Variants in SH3KBP1 observed in about 807,000 individuals in gnomAD.
SH3KBP1 encodes SH3 domain containing kinase binding protein 1, also known as SH3 domain-containing kinase-binding protein 1.
Under a neutral mutation model 50.1 loss-of-function variants are expected in SH3KBP1, and 8 were observed. That is an observed-to-expected ratio of 0.16 (90% CI 0.09 to 0.29). The LOEUF is 0.29. SH3KBP1 is among the 10% of genes least tolerant of loss of function. The pLI, the probability that SH3KBP1 is intolerant of heterozygous loss-of-function variation, is 1.00. For synonymous variants in SH3KBP1, 227 were observed against 218.6 expected (o/e 1.04, Z -0.34); for missense variants, 377 against 535.2 (o/e 0.70, Z 2.92).
chrX:19,581,580 C>T (rs1386584319), intron 12 of SH3KBP1, among the ~76,000 whole-genome samples: 5 of 111,279 alleles, frequency 4.5e-5, no homozygotes, highest in East Asian at 2.8e-4. Context: ...GGACACCTCA[C>T]GGAGTGATCA....
chrX:19,853,939 G>C (rs1206295064), intron 1 of SH3KBP1, among the ~76,000 whole-genome samples: 1 of 105,950 alleles, frequency 9.4e-6, no homozygotes, highest in Non-Finnish European at 1.9e-5. Flanking sequence ...TCCAGCCTGG[G>C]CAAGAGAGAA....
chrX:19,638,471 T>C (rs768459540), intron 7 of SH3KBP1, among the ~76,000 whole-genome samples: 4 of 109,354 alleles, frequency 3.7e-5, no homozygotes, highest in Non-Finnish European at 3.8e-5. Flanking sequence ...GAGTGGGCAT[T>C]GGCATCAGGT....
intron 6 of SH3KBP1, among the ~76,000 whole-genome samples, chrX:19,672,493 A>G (rs2062822852): frequency 8.9e-6 from 1 of 112,242 alleles, no homozygotes; most frequent in South Asian, 3.7e-4. Context: ...AATATGATGT[A>G]ATGAGAGCAC....
intron 12 of SH3KBP1, 105 bp downstream of exon 12, chrX:19,588,538 C>G (rs764758714): frequency 6.6e-6 from 8 of 1,208,405 alleles, no homozygotes; most frequent in Admixed American, 2.2e-5. Context: ...TTGAGCACCC[C>G]CTTCTCCTCT....
chrX:19,617,778 A>G (rs916768405), intron 8 of SH3KBP1, among the ~76,000 whole-genome samples: 1 of 112,184 alleles, frequency 8.9e-6, no homozygotes, highest in African/African-American at 3.2e-5. Context: ...GATTCCGGCC[A>G]GCTAAGGCCC....
intron 6 of SH3KBP1, among the ~76,000 whole-genome samples, chrX:19,678,752 C>A (rs2062984770): frequency 9.0e-6 from 1 of 111,489 alleles, no homozygotes; most frequent in East Asian, 2.8e-4. Context: ...TGTTACCTCT[C>A]TTCTGAATTT....
chrX:19,859,886 C>G lies in SH3KBP1; in HGVS notation c.5-23604G>C, dbSNP rs891247843. On this transcript the variant is annotated intron_variant, in intron 1 of 17. Transcript: ENST00000397821. ...CCCTTGCTTCTGTGAAAGCCTCAGT[C>G]AGGGATGGGAAACACAAAATAGTGC... is the stretch of plus-strand genomic sequence containing the variant. Among the ~76,000 whole-genome samples the G allele has an allele frequency of 5.4e-5, 6 of 111,506 alleles. No individual in the cohort carries two copies. The Admixed American group carries it at 5.7e-4, about 11-fold the overall frequency.
rs775421543 is a variant in SH3KBP1 at position 19,587,816 on chromosome X, C to CA, written c.1298+826dup. On this transcript the variant is annotated intron_variant, in intron 12 of 17. Transcript: ENST00000397821. ...ACCAGGCCAACTTAGCTCATAAGAA[C>CA]AAAAATTCAGTGACTGTGTGTTGAC... Among the ~76,000 whole-genome samples, 6 of 112,298 alleles carry CA rather than the reference C, an allele frequency of 5.3e-5. No individual in the cohort carries two copies. The East Asian group carries it at 1.7e-3, about 32-fold the overall frequency.
chrX:19,802,624 T>C (rs750159210), intron 2 of SH3KBP1, among the ~76,000 whole-genome samples: 12 of 111,143 alleles, frequency 1.1e-4, no homozygotes, highest in African/African-American at 3.9e-4. Flanking sequence ...CTCATCAAGC[T>C]GTAGGCCTCT....
chrX:19,643,901 A>T (rs1351862518), intron 7 of SH3KBP1, among the ~76,000 whole-genome samples: 1 of 111,991 alleles, frequency 8.9e-6, no homozygotes, highest in Non-Finnish European at 1.9e-5. Flanking sequence ...GAATAAAATG[A>T]CTTGCCCAAG....
intron 2 of SH3KBP1, among the ~76,000 whole-genome samples, chrX:19,813,865 A>G (rs139535648): frequency 7.1e-4 from 80 of 112,396 alleles, no homozygotes; most frequent in Non-Finnish European, 1.2e-3. Flanking sequence ...GGAGTGGCTT[A>G]ATACTGATAT....
At chrX:19,762,574 A>G (rs769254034) in intron 2 of SH3KBP1, among the ~76,000 whole-genome samples, 1 of 111,088 alleles carries the variant, frequency 9.0e-6, no homozygotes, top group South Asian at 3.8e-4. Flanking sequence ...AGCACTACCC[A>G]CTTCCCAAGC....
intron 13 of SH3KBP1, among the ~76,000 whole-genome samples, chrX:19,559,274 CAAAAAAA>C (rs369794445): frequency 4.6e-4 from 4 of 8,614 alleles, no homozygotes; most frequent in East Asian, 5.4e-3. Context: ...TCTGTCTCAC[CAAAAAAA>C]AAAAAAAAAA....
At chrX:19,781,241 A>C (rs1374000874) in intron 2 of SH3KBP1, among the ~76,000 whole-genome samples, 1 of 111,584 alleles carries the variant, frequency 9.0e-6, no homozygotes, top group East Asian at 2.8e-4. Context: ...GCTAAACTGC[A>C]GATTCTGCAT....
chrX:19,872,252 C>CAAAA (rs67033348), intron 1 of SH3KBP1, among the ~76,000 whole-genome samples: 63 of 37,851 alleles, frequency 1.7e-3, no homozygotes, highest in Non-Finnish European at 2.3e-3. Context: ...AACTTCATCT[C>CAAAA]AAAAAAAAAA....
At chrX:19,799,082 A>G (rs1282243388) in intron 2 of SH3KBP1, among the ~76,000 whole-genome samples, 1 of 110,432 alleles carries the variant, frequency 9.1e-6, no homozygotes, top group Admixed American at 9.7e-5. Context: ...CCTGTCTCCC[A>G]TCTCATTCTT....
intron 2 of SH3KBP1, among the ~76,000 whole-genome samples, chrX:19,812,428 G>A (rs892587234): frequency 4.5e-5 from 5 of 111,111 alleles, no homozygotes; most frequent in African/African-American, 1.3e-4. Flanking sequence ...CCCTTAGCCT[G>A]CGAGTGGGGC....
intron 13 of SH3KBP1, among the ~76,000 whole-genome samples, chrX:19,562,671 A>G (rs1602480114): frequency 9.0e-6 from 1 of 111,118 alleles, no homozygotes; most frequent in African/African-American, 3.3e-5. Context: ...ACAGAGATGC[A>G]GGCGACCACA....
At chrX:19,834,858 C>T (rs1333397028) in intron 2 of SH3KBP1, among the ~76,000 whole-genome samples, 1 of 109,260 alleles carries the variant, frequency 9.2e-6, no homozygotes, top group Admixed American at 9.8e-5. Context: ...GGTGAAACCC[C>T]ATCTCTACTT....
Sources: gnomAD v4.1 joint callset for allele counts (sites outside exome capture counted in the v4.1 genomes callset) on GRCh38, gnomAD v4.1.1 for gene constraint, MANE v1.5 for transcripts, NCBI Gene and HGNC (gene_info 2026-07-23, HGNC 2026-07-21) for gene names.